The following TTC6 variants were observed in gnomAD, a reference collection of about 807,000 sequenced individuals.
TTC6 encodes the protein tetratricopeptide repeat protein 6.
TTC6 carries 172 observed loss-of-function variants against 210.4 expected under a neutral mutation model. That is an observed-to-expected ratio of 0.82 (90% CI 0.72 to 0.93). TTC6 has a LOEUF of 0.93. Among genes scored for constraint, TTC6 ranks in the 40% least tolerant of loss-of-function variants. The pLI is 0.00. For synonymous variants in TTC6, 804 were observed against 819.6 expected, an observed-to-expected ratio of 0.98 and a Z score of 0.32; for missense variants, 2,414 against 2,318.1, an observed-to-expected ratio of 1.04 and a Z score of -0.85.
chr14:37,761,475 A>G (rs902251521), intron 14 of TTC6, among the ~76,000 whole-genome samples: 1 of 152,054 alleles, frequency 6.6e-6, no homozygotes, highest in Non-Finnish European at 1.5e-5. Flanking sequence ...AATCATTTTT[A>G]AGGTAAAATA....
chr14:37,727,291 A>AT (rs368293440), intron 7 of TTC6, among the ~76,000 whole-genome samples: 18,727 of 92,222 alleles, frequency 0.2, 2,113 homozygotes, highest in South Asian at 0.26. Flanking sequence ...TATTTTTCTA[A>AT]TTTTTTTTTT....
chr14:37,656,778 T>A (rs1405384107), intron 1 of TTC6, among the ~76,000 whole-genome samples: 2 of 152,154 alleles, frequency 1.3e-5, no homozygotes, highest in East Asian at 3.9e-4. Context: ...CATTTTCAGC[T>A]GGCTCCTTGG....
intron 4 of TTC6, among the ~76,000 whole-genome samples, chr14:37,697,061 A>T (rs972928462): frequency 6.6e-6 from 1 of 152,206 alleles, no homozygotes; most frequent in East Asian, 1.9e-4. Context: ...TACTTTCATG[A>T]TGTAACAATA....
chr14:37,830,438 C>T (rs896558050), intron 29 of TTC6, among the ~76,000 whole-genome samples: 1 of 151,766 alleles, frequency 6.6e-6, no homozygotes, highest in African/African-American at 2.4e-5. Context: ...TGATTTTCTT[C>T]ACTGGGGATA....
intron 7 of TTC6, among the ~76,000 whole-genome samples, chr14:37,727,291 A>ATTTTTTTTTTTTTTTTTT (rs368293440): frequency 1.1e-5 from 1 of 92,242 alleles, no homozygotes; most frequent in Non-Finnish European, 2.2e-5. Flanking sequence ...TATTTTTCTA[A>ATTTTTTTTTTTTTTTTTT]TTTTTTTTTT....
chr14:37,820,600 A>G (rs1446929079), intron 26 of TTC6, among the ~76,000 whole-genome samples: 1 of 152,156 alleles, frequency 6.6e-6, no homozygotes, highest in Non-Finnish European at 1.5e-5. Flanking sequence ...GTATGATGCA[A>G]TTTGGATGTC....
chr14:37,806,976 G>A (rs1050312163), intron 22 of TTC6, among the ~76,000 whole-genome samples: 2 of 152,138 alleles, frequency 1.3e-5, no homozygotes, highest in East Asian at 3.9e-4. Context: ...TAATGGCAGT[G>A]TGGTTATGTA....
intron 1 of TTC6, among the ~76,000 whole-genome samples, chr14:37,665,224 A>T (rs2095745499): frequency 6.6e-6 from 1 of 150,626 alleles, no homozygotes; most frequent in Non-Finnish European, 1.5e-5. Context: ...CACTATTCAC[A>T]ATAGCAAAGA....
At chr14:37,724,698 A>T (rs1444764622) in intron 6 of TTC6, among the ~76,000 whole-genome samples, 200 bp from the exon 9 acceptor site, 1 of 152,152 alleles carries the variant, frequency 6.6e-6, no homozygotes, top group South Asian at 2.1e-4. Flanking sequence ...AAATTTCCCC[A>T]AGTCCTTAGC....
chr14:37,841,310 G>A, intron 29 of TTC6, 135 bp from the exon 32 acceptor site: 1 of 741,254 alleles, frequency 1.3e-6, no homozygotes, highest in Non-Finnish European at 2.2e-6. Flanking sequence ...ATGCACCTCT[G>A]TACCTGGGAT....
chr14:37,782,166 A>G (rs1178250781), intron 14 of TTC6, among the ~76,000 whole-genome samples: 1 of 152,176 alleles, frequency 6.6e-6, no homozygotes, highest in African/African-American at 2.4e-5. Context: ...CTTTGAAGAA[A>G]GTCATTGGTA....
chr14:37,745,534 T>C (rs2095933378), intron 10 of TTC6, among the ~76,000 whole-genome samples: 1 of 152,206 alleles, frequency 6.6e-6, no homozygotes, highest in Non-Finnish European at 1.5e-5. Context: ...TACAGTTTAT[T>C]CCGTTATTAC....
chr14:37,749,661 A>C (rs2095946007), intron 11 of TTC6, 53 bp from the exon 14 acceptor site: 2 of 1,215,856 alleles, frequency 1.6e-6, no homozygotes, highest in Non-Finnish European at 2.1e-6. Context: ...ATTTGATAGG[A>C]TATCCTCCTT....
At chr14:37,788,671 C>T (rs2096073006) in intron 15 of TTC6, among the ~76,000 whole-genome samples, 1 of 152,130 alleles carries the variant, frequency 6.6e-6, no homozygotes, top group African/African-American at 2.4e-5. Flanking sequence ...TGCCCACCCT[C>T]ACTTCTGTGG....
chr14:37,766,720 T>A (rs1471775363), intron 14 of TTC6, among the ~76,000 whole-genome samples: 5 of 152,218 alleles, frequency 3.3e-5, no homozygotes, highest in Admixed American at 6.5e-5. Flanking sequence ...TCTTTGGGTA[T>A]ATACCCAATA....
chr14:37,705,994 G>C (rs536009570), intron 5 of TTC6, among the ~76,000 whole-genome samples: 18 of 152,150 alleles, frequency 1.2e-4, no homozygotes, highest in Non-Finnish European at 2.4e-4. Flanking sequence ...TTGAGTTCAT[G>C]CTGTGGGCAA....
At chr14:37,789,629 T>C (rs2096075093) in intron 15 of TTC6, among the ~76,000 whole-genome samples, 1 of 144,882 alleles carries the variant, frequency 6.9e-6, no homozygotes, top group Admixed American at 6.9e-5. Flanking sequence ...GTATATACTC[T>C]ATGTATATTC....
intron 3 of TTC6, among the ~76,000 whole-genome samples, chr14:37,686,056 A>T (rs1289243760): frequency 6.6e-6 from 1 of 152,190 alleles, no homozygotes; most frequent in South Asian, 2.1e-4. Context: ...ACTGAATATC[A>T]TAAAAATGTT....
At chr14:37,650,742 C>A (rs1387981233) in intron 1 of TTC6, among the ~76,000 whole-genome samples, 5 of 152,116 alleles carry the variant, frequency 3.3e-5, no homozygotes, top group Non-Finnish European at 5.9e-5. Context: ...CTCAGAGATA[C>A]TGTAAAAATA....
Sources: allele counts gnomAD v4.1 joint callset (sites outside exome capture counted in the v4.1 genomes callset), GRCh38; gene constraint gnomAD v4.1.1; transcripts MANE v1.5; gene names NCBI Gene and HGNC (gene_info 2026-07-23, HGNC 2026-07-21).